The following CTNNA2 variants were observed in gnomAD, a reference collection of about 807,000 sequenced individuals.
The protein encoded by CTNNA2 is catenin alpha 2.
A neutral mutation model predicts 101.0 loss-of-function variants in CTNNA2; 42 were observed. The ratio of observed to expected loss-of-function variants is 0.42; its 90% CI spans 0.32 to 0.54. The LOEUF is 0.54. Among genes scored for constraint, CTNNA2 ranks in the 20% least tolerant of loss-of-function variants. CTNNA2 has a pLI of 0.14. For synonymous variants in CTNNA2, 450 were observed against 456.4 expected (o/e 0.99, Z 0.18); for missense variants, 871 against 1,223.1 (o/e 0.71, Z 4.29).
chr2:80,049,807 T>A (rs1696754007), intron 7 of CTNNA2, among the ~76,000 whole-genome samples: 1 of 152,214 alleles, frequency 6.6e-6, no homozygotes, highest in Non-Finnish European at 1.5e-5. Flanking sequence ...CAGAGTTTAA[T>A]GAAATTGCTC....
rs180904467 is a variant in CTNNA2, at chr2:80,360,857, A to G, written c.1057-32354A>G. On this transcript the variant is annotated intron_variant, in intron 7 of 18. Coordinates refer to ENST00000402739, the MANE Select transcript of CTNNA2 (RefSeq NM_001282597.3). ...AACCTGGAGTTTGTCGCTCTAAACC[A>G]CTAACTTGAATATGCTACTGTTAAT... Among the ~76,000 whole-genome samples the G allele has an allele frequency of 1.3e-3, 192 of 152,220 alleles. 1 individual carries two copies. The highest frequency in any genetic ancestry group is 9.4e-4 in the Non-Finnish European group (64 of 67,996).
intron 8 of CTNNA2, among the ~76,000 whole-genome samples, chr2:80,418,867 T>C (rs889216015): frequency 6.6e-6 from 1 of 152,242 alleles, no homozygotes; most frequent in Non-Finnish European, 1.5e-5. Flanking sequence ...TTTATTCTCA[T>C]TTATCTTGAA....
intron 4 of CTNNA2, among the ~76,000 whole-genome samples, chr2:79,441,477 G>A (rs1024276852): frequency 1.3e-5 from 2 of 151,936 alleles, no homozygotes; most frequent in Admixed American, 6.6e-5. Context: ...ATATACCCAG[G>A]GACTGAAGCA....
chr2:79,217,162 T>G (rs1179187836), intron 2 of CTNNA2, among the ~76,000 whole-genome samples: 1 of 152,172 alleles, frequency 6.6e-6, no homozygotes, highest in African/African-American at 2.4e-5. Context: ...GACGCTTACC[T>G]GATTTAAAAT....
chr2:80,100,402 T>C (rs1461483216), intron 7 of CTNNA2, among the ~76,000 whole-genome samples: 1 of 152,198 alleles, frequency 6.6e-6, no homozygotes, highest in Non-Finnish European at 1.5e-5. Flanking sequence ...TCACCAGTAG[T>C]TTTAGTAGCC....
In CTNNA2 at chr2:79,691,506, A is replaced by G. The variant is rs10173622; in HGVS notation, c.102+39848A>G. On this transcript the variant is annotated intron_variant, in intron 2 of 18. Transcript: ENST00000402739. ...GACTTTCAGACTATATTGAAAAACAATTAGAAAAAAAAAACTACTTTAAAA... is the reference window on the plus strand; with the variant it reads ...GACTTTCAGACTATATTGAAAAACAGTTAGAAAAAAAAAACTACTTTAAAA... Among the ~76,000 whole-genome samples, 141 of 151,216 alleles carry G rather than the reference A, an allele frequency of 9.3e-4. 1 individual carries two copies. The highest frequency in any genetic ancestry group is 2.3e-3 in the African/African-American group (94 of 40,804).
At chr2:80,391,085 T>C (rs919420116) in intron 7 of CTNNA2, among the ~76,000 whole-genome samples, 1 of 151,054 alleles carries the variant, frequency 6.6e-6, no homozygotes, top group African/African-American at 2.4e-5. Flanking sequence ...TGAGCTGAGA[T>C]TGCGCCACTG....
chr2:80,407,527 A>G (rs1182370800), intron 8 of CTNNA2, among the ~76,000 whole-genome samples: 1 of 152,210 alleles, frequency 6.6e-6, no homozygotes, highest in Non-Finnish European at 1.5e-5. Context: ...TTGCGTAGTC[A>G]TGACAGAGAC....
intron 1 of CTNNA2, among the ~76,000 whole-genome samples, chr2:79,553,849 A>C (rs544833659): frequency 6.6e-6 from 1 of 152,312 alleles, no homozygotes; most frequent in South Asian, 2.1e-4. Flanking sequence ...CTTGGGGCTC[A>C]CAAAGAATTT....
At chr2:79,533,950 A>G (rs1302017164) in intron 1 of CTNNA2, among the ~76,000 whole-genome samples, 1 of 152,070 alleles carries the variant, frequency 6.6e-6, no homozygotes, top group Non-Finnish European at 1.5e-5. Flanking sequence ...GGCATCCTGC[A>G]GAATCCACCA....
chr2:79,410,230 A>C (rs1214219900), intron 4 of CTNNA2, among the ~76,000 whole-genome samples: 1 of 145,606 alleles, frequency 6.9e-6, no homozygotes, highest in Non-Finnish European at 1.5e-5. Flanking sequence ...CTAGATATAC[A>C]ATCATGTCAT....
chr2:79,185,837 G>A lies in CTNNA2; in HGVS notation c.-524+406G>A, dbSNP rs1164216443. The stretch of plus-strand genomic sequence containing the variant: ...TTTCTGATTTGGGAACAGGGGAATG[G>A]AGGGTGAAATTGCCAATGACTGTTA... On this transcript the variant is annotated intron_variant, in intron 1 of 21. Transcript: ENST00000466387. Among the ~76,000 whole-genome samples, 5 of 152,134 alleles carry A rather than the reference G, an allele frequency of 3.3e-5. No homozygotes were observed. The East Asian group carries it at 7.7e-4, about 23-fold the overall frequency.
intron 9 of CTNNA2, among the ~76,000 whole-genome samples, chr2:80,430,711 G>A (rs1456937218): frequency 6.6e-6 from 1 of 152,120 alleles, no homozygotes; most frequent in African/African-American, 2.4e-5. Flanking sequence ...TAGTAGTGTT[G>A]CCACATTAGA....
At chr2:80,380,959 C>T (rs892691107) in intron 7 of CTNNA2, among the ~76,000 whole-genome samples, 5 of 152,136 alleles carry the variant, frequency 3.3e-5, no homozygotes, top group African/African-American at 1.2e-4. Context: ...CTGCTTTCTA[C>T]ATAGTTTAGT....
intron 3 of CTNNA2, among the ~76,000 whole-genome samples, chr2:79,320,743 C>T (rs1676601916): frequency 6.6e-6 from 1 of 152,096 alleles, no homozygotes; most frequent in African/African-American, 2.4e-5. Flanking sequence ...GAGGTCAGGT[C>T]AGGCCTATGG....
chr2:80,111,769 C>G (rs567753907), intron 7 of CTNNA2, among the ~76,000 whole-genome samples: 1 of 152,244 alleles, frequency 6.6e-6, no homozygotes, highest in East Asian at 1.9e-4. Flanking sequence ...CTCAAGCAAC[C>G]TTCCTGTCAC....
At chr2:79,749,266 G>C (rs754924728) in intron 3 of CTNNA2, among the ~76,000 whole-genome samples, 1 of 152,074 alleles carries the variant, frequency 6.6e-6, no homozygotes, top group Non-Finnish European at 1.5e-5. Flanking sequence ...TGCATCTGCC[G>C]TATGGGGTCA....
At chr2:79,787,567 C>G (rs1674945901) in intron 3 of CTNNA2, among the ~76,000 whole-genome samples, 1 of 152,104 alleles carries the variant, frequency 6.6e-6, no homozygotes. Flanking sequence ...AATTTATTAT[C>G]TTATAGTTCT....
chr2:80,627,860 T>C (rs562659543), intron 18 of CTNNA2, among the ~76,000 whole-genome samples: 2 of 152,126 alleles, frequency 1.3e-5, no homozygotes, highest in African/African-American at 2.4e-5. Flanking sequence ...TTTAAGTCTT[T>C]AGTCCATCGT....
Sources: allele counts gnomAD v4.1 joint callset (sites outside exome capture counted in the v4.1 genomes callset), GRCh38; gene constraint gnomAD v4.1.1; transcripts MANE v1.5; gene names NCBI Gene and HGNC (gene_info 2026-07-23, HGNC 2026-07-21).